USP14: variants seen among roughly 807,000 people sequenced by gnomAD.
USP14 encodes ubiquitin carboxyl-terminal hydrolase 14.
Under a neutral mutation model 76.5 loss-of-function variants are expected in USP14, and 38 were observed. The ratio of observed to expected loss-of-function variants is 0.50; its 90% CI spans 0.38 to 0.65. The LOEUF is 0.65. Ranked by LOEUF, USP14 falls within the 30% of genes least tolerant of loss-of-function variation. The pLI, the probability that USP14 is intolerant of heterozygous loss-of-function variation, is 0.00. For synonymous variants in USP14, 192 were observed against 191.7 expected, an observed-to-expected ratio of 1.00 and a Z score of -0.01; for missense variants, 467 against 586.5, an observed-to-expected ratio of 0.80 and a Z score of 2.10.
rs560012926 is a variant in USP14, at chr18:206,352, C to G, written c.1164+1660C>G. Among the ~76,000 whole-genome samples the G allele has an allele frequency of 5.9e-5, 9 of 152,316 alleles. No individual in the cohort carries two copies. The South Asian group carries it at 1.9e-3, about 32-fold the overall frequency. On this transcript the variant is annotated intron_variant, in intron 13 of 15. Transcript: ENST00000261601. ...TGTTTATTTGCTATCTGTATATCCT[C>G]TTTTGTAAAATGCTTCCTCTTGTCT...
At chr18:184,151 G>C (rs558230039) in intron 5 of USP14, among the ~76,000 whole-genome samples, 38 of 152,302 alleles carry the variant, frequency 2.5e-4, no homozygotes, top group African/African-American at 8.9e-4. Context: ...AAATAAAAGT[G>C]AAAGTTACTT....
chr18:175,053 G>A (rs1405753677), intron 3 of USP14, among the ~76,000 whole-genome samples: 5 of 152,094 alleles, frequency 3.3e-5, no homozygotes, highest in Non-Finnish European at 5.9e-5. Context: ...GATTACAAGC[G>A]TGAGCCACTG....
chr18:177,550 A>G (rs917182750), intron 3 of USP14, among the ~76,000 whole-genome samples: 10 of 151,622 alleles, frequency 6.6e-5, no homozygotes, highest in Non-Finnish European at 1.0e-4. Context: ...ATTTAATTGT[A>G]GGTATTCTTA....
Position 199,334 on chromosome 18 carries a change from C to G in USP14, c.876+18C>G. ...TTAAATTGGTAAGGACAATCTCAGT[C>G]CATCCTTGTTGTTTGTGAATTCCAT... On this transcript the variant is annotated intron_variant, in intron 10 of 15. Coordinates refer to ENST00000261601, the MANE Select transcript of USP14 (RefSeq NM_005151.4). 2 of 1,544,418 alleles carry G rather than the reference C, an allele frequency of 1.3e-6. No homozygotes were observed. The highest frequency in any genetic ancestry group is 1.8e-6 in the Non-Finnish European group (2 of 1,118,658).
chr18:161,081 C>T (rs1598260293), intron 1 of USP14, among the ~76,000 whole-genome samples: 1 of 152,198 alleles, frequency 6.6e-6, no homozygotes, highest in Non-Finnish European at 1.5e-5. Flanking sequence ...GCGCCTGCCA[C>T]CATGCCTAGC....
At chr18:176,956 G>A (rs750055473) in intron 3 of USP14, among the ~76,000 whole-genome samples, 2 of 151,876 alleles carry the variant, frequency 1.3e-5, no homozygotes, top group Non-Finnish European at 2.9e-5. Flanking sequence ...ATTATCCTGG[G>A]TATAAATTTG....
intron 10 of USP14, 54 bp from the exon 11 acceptor site, chr18:202,826 C>A (rs2143084204): frequency 6.3e-7 from 1 of 1,575,856 alleles, no homozygotes; most frequent in African/African-American, 1.4e-5. Flanking sequence ...TTCTATATTG[C>A]AGAAATAAAA....
intron 12 of USP14, 83 bp downstream of exon 12, chr18:203,273 T>C (rs1280524440): frequency 4.9e-6 from 6 of 1,236,244 alleles, no homozygotes; most frequent in Middle Eastern, 1.9e-4. Context: ...ATTATTCCTT[T>C]AGGAATAGTT....
chr18:199,256 A>T lies in USP14; in HGVS notation c.816A>T (p.Gln272His), dbSNP rs938269100. 8 of 1,613,918 alleles carry T rather than the reference A, an allele frequency of 5.0e-6. No homozygotes were observed. The Admixed American group carries it at 1.3e-4, about 27-fold the overall frequency. The change falls in exon 10 of 16, where the codon CAA becomes CAT. Residue 272 changes from glutamine to histidine, a missense_variant. Coordinates refer to ENST00000261601, the MANE Select transcript of USP14 (RefSeq NM_005151.4). ...AAGTCACCAAAGGAAAGGAAAATCA[A>T]CTTCAGCTTAGCTGTTTTATCAATC... ...EEEVTKGKEN[Q>H]LQLSCFINQE...
At chr18:196,523 CAAAA>C in intron 6 of USP14, 110 bp from the exon 7 acceptor site, 1 of 967,642 alleles carries the variant, frequency 1.0e-6, no homozygotes, top group Non-Finnish European at 1.4e-6. Context: ...GACTCCATCT[CAAAA>C]AAAAAAAAAA....
chr18:167,954 T>TG (rs1909323695), intron 3 of USP14, among the ~76,000 whole-genome samples: 1 of 141,234 alleles, frequency 7.1e-6, no homozygotes, highest in Non-Finnish European at 1.5e-5. Flanking sequence ...TTTTTTTTTT[T>TG]GAGACAGAGT....
chr18:200,004 T>G (rs560783506), intron 10 of USP14, among the ~76,000 whole-genome samples: 1 of 152,208 alleles, frequency 6.6e-6, no homozygotes, highest in Non-Finnish European at 1.5e-5. Flanking sequence ...AAAAGCATTA[T>G]TGACATGGTT....
chr18:204,548 G>A lies in USP14; in HGVS notation c.1036-16G>A. ...ATAAATGTGTTTACACATGTTTTTT[G>A]TTTGTTTGTATATAGGATGTTAAAT... On this transcript the variant is annotated splice_polypyrimidine_tract_variant and intron_variant, in intron 12 of 15. Transcript: ENST00000261601. The A allele has an allele frequency of 6.5e-7, 1 of 1,543,018 alleles. No homozygotes were observed. Among genetic ancestry groups the A allele is most frequent in the Non-Finnish European group, 8.7e-7 (1 of 1,147,098 alleles).
At chr18:209,872 A>C in intron 13 of USP14, 99 bp from the exon 14 acceptor site, 1 of 862,766 alleles carries the variant, frequency 1.2e-6, no homozygotes, top group Non-Finnish European at 1.8e-6. Context: ...GTCTCTGTGC[A>C]CTGTAGACAG....
At chr18:180,672 G>A (rs1006459753) in intron 5 of USP14, among the ~76,000 whole-genome samples, 4 of 152,154 alleles carry the variant, frequency 2.6e-5, no homozygotes, top group South Asian at 2.1e-4. Context: ...AAATTGAATC[G>A]TATAATATGT....
chr18:206,318 G>T (rs1197799091), intron 13 of USP14, among the ~76,000 whole-genome samples: 1 of 152,208 alleles, frequency 6.6e-6, no homozygotes, highest in Non-Finnish European at 1.5e-5. Context: ...AGTTGAGCAT[G>T]TCTTCATGTG....
At chr18:170,684 C>G (rs1909417276) in intron 3 of USP14, among the ~76,000 whole-genome samples, 1 of 152,054 alleles carries the variant, frequency 6.6e-6, no homozygotes, top group African/African-American at 2.4e-5. Flanking sequence ...GAGCAAGACC[C>G]TAATTCTCTT....
intron 5 of USP14, among the ~76,000 whole-genome samples, chr18:182,416 C>T (rs1909811386): frequency 6.6e-6 from 1 of 152,130 alleles, no homozygotes; most frequent in Non-Finnish European, 1.5e-5. Flanking sequence ...TAGAACTGAG[C>T]AGAAGAGAAG....
intron 3 of USP14, among the ~76,000 whole-genome samples, chr18:167,320 T>G (rs144180696): frequency 6.6e-6 from 1 of 152,234 alleles, no homozygotes; most frequent in African/African-American, 2.4e-5. Context: ...TATGTTCTTA[T>G]GCTCTCCAAC....
Sources: allele counts gnomAD v4.1 joint callset (sites outside exome capture counted in the v4.1 genomes callset), GRCh38; gene constraint gnomAD v4.1.1; transcripts MANE v1.5; gene names NCBI Gene and HGNC (gene_info 2026-07-23, HGNC 2026-07-21).